The following ALDH6A1 variants were observed in gnomAD, a reference collection of about 807,000 sequenced individuals.
ALDH6A1 encodes the protein methylmalonate-semialdehyde/malonate-semialdehyde dehydrogenase [acylating], mitochondrial.
Under a neutral mutation model 62.6 loss-of-function variants are expected in ALDH6A1, and 43 were observed. That is an observed-to-expected ratio of 0.69 (90% CI 0.54 to 0.89). The LOEUF is 0.89. Ranked by LOEUF, ALDH6A1 falls within the 40% of genes least tolerant of loss-of-function variation. The pLI is 0.00. For synonymous variants in ALDH6A1, 194 were observed against 234.2 expected, an observed-to-expected ratio of 0.83 and a Z score of 1.57; for missense variants, 551 against 661.3, an observed-to-expected ratio of 0.83 and a Z score of 1.83.
rs760122833 is a variant in ALDH6A1, at chr14:74,072,342, C to T, written c.209G>A (p.Arg70Gln). Residue 70 changes from arginine to glutamine, a missense_variant, in exon 4 of 12, where the codon CGG becomes CAG. Physicochemically the swap from Arg to Gln is conservative, Grantham distance 43. Coordinates refer to ENST00000553458, the MANE Select transcript of ALDH6A1 (RefSeq NM_005589.4). ...TTCTGCCTTGGTGGCCTGAGGGACC[C>T]GACCAATGACCTCATTGGTGGCCTG... The part of the protein sequence containing the change: ...HNPATNEVIG[R>Q]VPQATKAEMD... The T allele has an allele frequency of 5.0e-6, 8 of 1,614,134 alleles. No individual in the cohort carries two copies. Among genetic ancestry groups the T allele is most frequent in the East Asian group, 2.2e-5 (1 of 44,876 alleles).
At chr14:74,076,945 A>G (rs897950418) in intron 1 of ALDH6A1, among the ~76,000 whole-genome samples, 22 of 152,222 alleles carry the variant, frequency 1.4e-4, no homozygotes, top group African/African-American at 5.3e-4. Context: ...GGAAAGCTGC[A>G]ATCTAATAAT....
intron 9 of ALDH6A1, among the ~76,000 whole-genome samples, chr14:74,066,377 C>T (rs1440998729): frequency 1.3e-5 from 2 of 152,078 alleles, no homozygotes; most frequent in African/African-American, 2.4e-5. Flanking sequence ...CCATAAATAA[C>T]ATTTTTTTTG....
At chr14:74,072,420 A>C in intron 3 of ALDH6A1, 56 bp from the exon 4 acceptor site, 1 of 1,613,878 alleles carries the variant, frequency 6.2e-7, no homozygotes, top group Admixed American at 1.7e-5. Flanking sequence ...TCCACTGTAC[A>C]TCCAGTCACA....
At chr14:74,064,589 T>C (rs1315112105) in intron 11 of ALDH6A1, 26 of 1,174,798 alleles carry the variant, frequency 2.2e-5, no homozygotes, top group Non-Finnish European at 3.1e-5. Context: ...TACAAAGGCT[T>C]AGACTTCCCC....
At chr14:74,076,046 A>G (rs184263777) in intron 1 of ALDH6A1, among the ~76,000 whole-genome samples, 2 of 152,232 alleles carry the variant, frequency 1.3e-5, no homozygotes, top group Non-Finnish European at 2.9e-5. Flanking sequence ...ATCAGAAAGC[A>G]GAACAGTGGT....
intron 1 of ALDH6A1, among the ~76,000 whole-genome samples, chr14:74,078,703 A>G (rs1285971140): frequency 6.7e-6 from 1 of 149,818 alleles, no homozygotes; most frequent in East Asian, 1.9e-4. Flanking sequence ...AATTTTTTGT[A>G]TTTTTAGTAG....
Position 74,065,337 on chromosome 14 carries a change from C to T in ALDH6A1, c.1248G>A (p.Glu416=). 6.2e-7 allele frequency: 1 copy of T among 1,614,046 alleles called. No individual in the cohort carries two copies. Among genetic ancestry groups the T allele is most frequent in the Non-Finnish European group, 8.5e-7 (1 of 1,179,998 alleles). ...NVKPNMTCYK[E]EIFGPVLVVL... is the part of the protein sequence containing the mutation. ...CCACAAGAACTGGACCAAAAATCTCCTCTTTGTAACAGGTCATATTTGGCT... is the reference window on the plus strand; with the variant it reads ...CCACAAGAACTGGACCAAAAATCTCTTCTTTGTAACAGGTCATATTTGGCT... Residue 416 remains glutamate, a synonymous_variant, in exon 10 of 12, where the codon GAG becomes GAA. Coordinates refer to ENST00000553458, the MANE Select transcript of ALDH6A1 (RefSeq NM_005589.4).
In ALDH6A1 at chr14:74,057,643, A is replaced by G; in HGVS notation, c.*2999T>C. On this transcript the variant is annotated 3_prime_UTR_variant, in exon 12 of 12. Transcript: ENST00000553458. The stretch of plus-strand genomic sequence containing the variant: ...ACAAAGGCTTATAAGGAGATATGAA[A>G]TGATTTTTTTAAGCCAAGTTTTTCT... 7.5e-7 allele frequency: 1 copy of G among 1,331,494 alleles called. No individual in the cohort carries two copies. Among genetic ancestry groups the G allele is most frequent in the Non-Finnish European group, 9.8e-7 (1 of 1,019,520 alleles). 82.5% of individuals were successfully genotyped at this position (1,331,494 alleles called of 1,614,324 possible). A position where few individuals can be genotyped will look rare whatever the true frequency, so the allele number is the denominator to read the frequency against.
intron 1 of ALDH6A1, 86 bp downstream of exon 1, chr14:74,084,261 G>A (rs2060700132): frequency 6.3e-7 from 1 of 1,595,684 alleles, no homozygotes; most frequent in Non-Finnish European, 8.5e-7. Context: ...GGCCAAGAAG[G>A]TGGTCCCGCC....
intron 2 of ALDH6A1, among the ~76,000 whole-genome samples, chr14:74,073,407 T>C (rs976683936): frequency 2.6e-5 from 4 of 151,234 alleles, no homozygotes; most frequent in Non-Finnish European, 5.9e-5. Context: ...GCCCAGACTA[T>C]AGTATATATT....
chr14:74,057,740 A>C lies in ALDH6A1; in HGVS notation c.*2902T>G. 1 of 1,165,198 alleles carries C rather than the reference A, an allele frequency of 8.6e-7. No homozygotes were observed. Among genetic ancestry groups the C allele is most frequent in the Non-Finnish European group, 1.1e-6 (1 of 931,274 alleles). 72.2% of individuals were successfully genotyped at this position (1,165,198 alleles called of 1,614,324 possible). ...TGTAGAATCTGAGAAATTTCAAATG[A>C]AGCCACATTAGAACAAAAAGAAAAT... On this transcript the variant is annotated 3_prime_UTR_variant, in exon 12 of 12. Transcript: ENST00000553458.
chr14:74,082,544 C>T (rs938491878), intron 1 of ALDH6A1, among the ~76,000 whole-genome samples: 54 of 151,872 alleles, frequency 3.6e-4, no homozygotes, highest in African/African-American at 1.2e-4. Flanking sequence ...GGATTACAGT[C>T]GCCCGCCACC....
Position 74,057,091 on chromosome 14 carries a change from G to C in ALDH6A1, c.*3551C>G, listed in dbSNP as rs546889974. ...ATGACAAGTCTGTTATTCTAAACCA[G>C]GTTTCATGTGTGTAGAGTTGTTGAC... On this transcript the variant is annotated 3_prime_UTR_variant, in exon 12 of 12. Coordinates refer to ENST00000553458, the MANE Select transcript of ALDH6A1 (RefSeq NM_005589.4). The C allele has an allele frequency of 1.6e-5, 26 of 1,599,566 alleles. 1 individual carries two copies. The South Asian group carries it at 2.8e-4, about 17-fold the overall frequency.
chr14:74,073,781 G>C (rs199685195), intron 2 of ALDH6A1, among the ~76,000 whole-genome samples: 1 of 151,778 alleles, frequency 6.6e-6, no homozygotes, highest in Non-Finnish European at 1.5e-5. Flanking sequence ...AACTGGTTTT[G>C]GTGGCATGCG....
rs757981230 is a variant in ALDH6A1 at position 74,065,227 on chromosome 14, T to C, written c.1358A>G (p.Asn453Ser). 1.1e-5 allele frequency: 18 copies of C among 1,614,024 alleles called. No homozygotes were observed. The Middle Eastern group carries it at 6.6e-4, about 59-fold the overall frequency. ...GGCATATTTCCGAGCAGTGGCTCCA[T>C]TGGTGGTGAAGATGGCAGTTCCATT... ...YGNGTAIFTTNGATARKYAHL... is the reference protein window; with the variant it reads ...YGNGTAIFTTSGATARKYAHL... Residue 453 changes from asparagine (N) to serine (S), a missense_variant, in exon 10 of 12, where the codon AAT becomes AGT. Asn to Ser is a conservative substitution (Grantham distance 46). Transcript: ENST00000553458.
intron 1 of ALDH6A1, 125 bp downstream of exon 1, chr14:74,084,222 G>A: frequency 1.1e-5 from 16 of 1,403,772 alleles, no homozygotes; most frequent in Non-Finnish European, 1.5e-5. Context: ...CGCACAGGTC[G>A]GGTAGGAGGT....
intron 1 of ALDH6A1, among the ~76,000 whole-genome samples, chr14:74,083,059 C>T (rs933811578): frequency 2.0e-5 from 3 of 152,138 alleles, no homozygotes; most frequent in Non-Finnish European, 4.4e-5. Flanking sequence ...GAACAAGGAT[C>T]GCAGCAAGAA....
At chr14:74,063,671 G>C (rs1175192034) in intron 11 of ALDH6A1, among the ~76,000 whole-genome samples, 1 of 151,422 alleles carries the variant, frequency 6.6e-6, no homozygotes, top group African/African-American at 2.4e-5. Flanking sequence ...TTCGAGACCA[G>C]CCTGGCCAAA....
intron 1 of ALDH6A1, among the ~76,000 whole-genome samples, chr14:74,083,812 T>C (rs964387831): frequency 6.6e-6 from 1 of 151,976 alleles, no homozygotes; most frequent in Non-Finnish European, 1.5e-5. Context: ...AAATCTAGAG[T>C]CCACCTCTAG....
Sources: gnomAD v4.1 joint callset for allele counts (sites outside exome capture counted in the v4.1 genomes callset) on GRCh38, gnomAD v4.1.1 for gene constraint, MANE v1.5 for transcripts, NCBI Gene and HGNC (gene_info 2026-07-23, HGNC 2026-07-21) for gene names.